ART5: variants seen among roughly 807,000 people sequenced by gnomAD.
ART5 encodes ADP-ribosyltransferase 5.
A neutral mutation model predicts 25.0 loss-of-function variants in ART5; 22 were observed. That is an observed-to-expected ratio of 0.88 (90% CI 0.63 to 1.26). The LOEUF (loss-of-function observed/expected upper bound fraction) is 1.26. Ranked by LOEUF, ART5 falls within the 50% of genes most tolerant of loss-of-function variation. ART5 has a pLI of 0.00. For synonymous variants in ART5, 161 were observed against 154.8 expected, an observed-to-expected ratio of 1.04 and a Z score of -0.30; for missense variants, 402 against 372.8, an observed-to-expected ratio of 1.08 and a Z score of -0.64.
At chr11:3,641,088 G>A (rs1438121852) in intron 1 of ART5, among the ~76,000 whole-genome samples, 1 of 152,172 alleles carries the variant, frequency 6.6e-6, no homozygotes, top group African/African-American at 2.4e-5. Flanking sequence ...CCTTGGGCAA[G>A]TGTCATAACT....
intron 3 of ART5, 69 bp from the exon 4 acceptor site, chr11:3,638,862 A>T: frequency 6.2e-7 from 1 of 1,613,796 alleles, no homozygotes; most frequent in South Asian, 1.1e-5. Flanking sequence ...GGCCAAGAGC[A>T]GAGTCTTCCA....
chr11:3,638,549 A>T lies in ART5; in HGVS notation c.*189T>A. On this transcript the variant is annotated 3_prime_UTR_variant, in exon 4 of 4. Coordinates refer to ENST00000397068, the MANE Select transcript of ART5 (RefSeq NM_053017.5). Reference sequence around the variant, plus strand: ...TACCATTTAATCACGTAGCTACCTCAATAAAACTCCATGTCTCCACATTGC... The same window carrying T: ...TACCATTTAATCACGTAGCTACCTCTATAAAACTCCATGTCTCCACATTGC... 3.0e-6 allele frequency: 2 copies of T among 666,098 alleles called. No individual in the cohort carries two copies. The highest frequency in any genetic ancestry group is 5.2e-6 in the Non-Finnish European group (2 of 381,976). The allele number at this position is 666,098 out of a possible 1,614,324, so 41.3% of individuals were successfully genotyped here.
rs147444671 is a variant in ART5 at position 3,640,014 on chromosome 11, G to A, written c.415C>T (p.Arg139Trp). 2.4e-4 allele frequency: 387 copies of A among 1,614,138 alleles called. 2 individuals carry two copies. Among genetic ancestry groups the A allele is most frequent in the African/African-American group, 1.7e-3 (125 of 75,066 alleles). Reference protein sequence around the residue: ...PFKALHFYLIRALQLLRGSGG... With the variant: ...PFKALHFYLIWALQLLRGSGG... ...CTGCCTCGCAGCAGCTGCAGGGCCCGGATCAGGTAGAAATGCAGGGCCTTG... is the reference window on the plus strand; with the variant it reads ...CTGCCTCGCAGCAGCTGCAGGGCCCAGATCAGGTAGAAATGCAGGGCCTTG... Residue 139 changes from arginine to tryptophan, a missense_variant, in exon 2 of 4, where the codon CGG becomes TGG. Physicochemically the swap from Arg to Trp is moderately radical, Grantham distance 101 (BLOSUM62 -3). Transcript: ENST00000397068.
In ART5 at chr11:3,641,903, G is replaced by A. The variant is rs755211688; in HGVS notation, c.-41C>T. 24 of 1,550,824 alleles carry A rather than the reference G, an allele frequency of 1.5e-5. No individual in the cohort carries two copies. The highest frequency in any genetic ancestry group is 2.0e-5 in the Non-Finnish European group (23 of 1,149,058). On this transcript the variant is annotated 5_prime_UTR_variant, in exon 1 of 4. Coordinates refer to ENST00000397068, the MANE Select transcript of ART5 (RefSeq NM_053017.5). ...GAGGGCCAGGGGTCCGGGTGAGGGC[G>A]GGACCAGAGGTGCTGGAGTCCTGGT... is the stretch of plus-strand genomic sequence containing the variant.
Position 3,640,090 on chromosome 11 carries a change from G to A in ART5, c.339C>T (p.Ala113=), listed in dbSNP as rs373165519. The A allele has an allele frequency of 2.8e-5, 46 of 1,614,080 alleles. No homozygotes were observed. The highest frequency in any genetic ancestry group is 1.6e-4 in the Middle Eastern group (1 of 6,084). The change falls in exon 2 of 4, where the codon GCC becomes GCT. Residue 113 remains alanine, a synonymous_variant. Transcript: ENST00000397068. ...CCCGGGAGCCTCCGCCCGTCCGCACGGCCTGATTCAACTCCCAGTACAAGG... is the reference window on the plus strand; with the variant it reads ...CCCGGGAGCCTCCGCCCGTCCGCACAGCCTGATTCAACTCCCAGTACAAGG... ...SNTLYWELNQ[A]VRTGGGSREL... is the part of the protein sequence containing the mutation.
At position 3,640,353 on chromosome 11, in the gene ART5, G is replaced by GGAT. The variant is rs2133929021; in HGVS notation, c.73_75dup (p.Ile25dup). ...GTGTCTGGAGCCAGGCCCAGGGGCA[G>GGAT]GATGGGAACAGCCTGGGCCTGTGGA... On this transcript the variant is annotated inframe_insertion, in exon 2 of 4. Transcript: ENST00000397068. 1.5e-6 allele frequency: 2 copies of GGAT among 1,345,468 alleles called. No homozygotes were observed. The highest frequency in any genetic ancestry group is 1.2e-5 in the South Asian group (1 of 80,004). The allele number at this position is 1,345,468 out of a possible 1,614,324, so 83.3% of individuals were successfully genotyped here. A position where few individuals can be genotyped will look rare whatever the true frequency, so the allele number is the denominator to read the frequency against.
In ART5 at chr11:3,641,787, A is replaced by T. The variant is rs1298505820; in HGVS notation, c.57+19T>A. 21 of 1,570,344 alleles carry T rather than the reference A, an allele frequency of 1.3e-5. No individual in the cohort carries two copies. The highest frequency in any genetic ancestry group is 1.7e-5 in the Non-Finnish European group (20 of 1,157,416). Reference sequence around the variant, plus strand: ...CCTTAATGTCCCCCTTGGGGCTAGGAGATGGTTCCTGGAGTTACCTGCCAG... The same window carrying T: ...CCTTAATGTCCCCCTTGGGGCTAGGTGATGGTTCCTGGAGTTACCTGCCAG... On this transcript the variant is annotated intron_variant, in intron 1 of 3. Transcript: ENST00000397068.
In ART5 at chr11:3,640,293, T is replaced by C. The variant is rs1397645452; in HGVS notation, c.136A>G (p.Met46Val). The C allele has an allele frequency of 3.7e-6, 6 of 1,613,160 alleles. No individual in the cohort carries two copies. In the East Asian group the frequency reaches 1.3e-4, roughly 36 times the overall value. ...DDTYVGCAEE[M>V]EEKAAPLLKE... ...AGCAGGGGGGCTGCCTTCTCCTCCA[T>C]CTCCTCTGCACAACCCACATAGGTA... The change falls in exon 2 of 4, where the codon ATG becomes GTG. Residue 46 changes from methionine (M) to valine (V), a missense_variant. Physicochemically the swap from Met to Val is conservative, Grantham distance 21. Coordinates refer to ENST00000397068, the MANE Select transcript of ART5 (RefSeq NM_053017.5).
chr11:3,641,738 G>A (rs1254952887), intron 1 of ART5, 68 bp downstream of exon 1: 17 of 1,546,058 alleles, frequency 1.1e-5, no homozygotes, highest in Non-Finnish European at 1.4e-5. Flanking sequence ...AGTCAGCCCC[G>A]GGTCCACTTC....
At chr11:3,642,075 C>T, upstream of ART5, 2 of 1,415,894 alleles carry the variant, frequency 1.4e-6, no homozygotes, top group South Asian at 3.1e-5. Flanking sequence ...CTCCCCACAC[C>T]CCTTCCTCAG....
chr11:3,641,393 C>G (rs2077394645), intron 1 of ART5, among the ~76,000 whole-genome samples: 1 of 152,224 alleles, frequency 6.6e-6, no homozygotes, highest in South Asian at 2.1e-4. Context: ...TGCTCAGCCA[C>G]CACACCAAAT....
In ART5 at chr11:3,640,013, C is replaced by A; in HGVS notation, c.416G>T (p.Arg139Leu). The change falls in exon 2 of 4, where the codon CGG becomes CTG. Residue 139 changes from arginine to leucine, a missense_variant. Physicochemically the swap from Arg to Leu is moderately radical, Grantham distance 102. Transcript: ENST00000397068. ...ACTGCCTCGCAGCAGCTGCAGGGCCCGGATCAGGTAGAAATGCAGGGCCTT... is the reference window on the plus strand; with the variant it reads ...ACTGCCTCGCAGCAGCTGCAGGGCCAGGATCAGGTAGAAATGCAGGGCCTT... ...PFKALHFYLI[R>L]ALQLLRGSGG... 1 of 1,614,140 alleles carries A rather than the reference C, an allele frequency of 6.2e-7. No homozygotes were observed. The highest frequency in any genetic ancestry group is 8.5e-7 in the Non-Finnish European group (1 of 1,180,028).
chr11:3,642,235 C>T (rs981379790), upstream of ART5: 28 of 1,136,598 alleles, frequency 2.5e-5, no homozygotes, highest in African/African-American at 6.5e-5. Flanking sequence ...GCGGGCGCTG[C>T]GCTGTCCCCG....
upstream of ART5, chr11:3,642,116 G>A (rs2077411543): frequency 7.4e-7 from 1 of 1,349,438 alleles, no homozygotes; most frequent in African/African-American, 1.5e-5. Context: ...TTCCGAGACT[G>A]TAAAGGCGGG....
chr11:3,640,704 G>A (rs977979936), intron 1 of ART5, among the ~76,000 whole-genome samples: 6 of 151,752 alleles, frequency 4.0e-5, no homozygotes, highest in African/African-American at 1.5e-4. Context: ...CAACTAACTG[G>A]GATTACCTGT....
chr11:3,642,181 A>T, upstream of ART5: 1 of 1,188,704 alleles, frequency 8.4e-7, no homozygotes, highest in Non-Finnish European at 1.0e-6. Context: ...GACCCACTTG[A>T]AGGCTGCGGA....
Position 3,640,204 on chromosome 11 carries a change from C to G in ART5, c.225G>C (p.Trp75Cys), listed in dbSNP as rs1272397370. The G allele has an allele frequency of 2.5e-6, 4 of 1,613,834 alleles. No homozygotes were observed. The highest frequency in any genetic ancestry group is 2.7e-5 in the African/African-American group (2 of 74,948). Reference sequence around the variant, plus strand: ...AGGTAAGCCCTCGACGCTTGTCCTCCCAGGTCTCCTGGGCTGCCTCCCAGG... The same window carrying G: ...AGGTAAGCCCTCGACGCTTGTCCTCGCAGGTCTCCTGGGCTGCCTCCCAGG... ...RESWEAAQET[W>C]EDKRRGLTLP... The change falls in exon 2 of 4, where the codon TGG becomes TGC. Residue 75 changes from tryptophan to cysteine, a missense_variant. By Grantham distance (215) the Trp-to-Cys change is radical. Transcript: ENST00000397068.
At chr11:3,639,574 A>G in intron 2 of ART5, 68 bp downstream of exon 2, 1 of 1,524,350 alleles carries the variant, frequency 6.6e-7, no homozygotes, top group South Asian at 1.3e-5. Context: ...CCCGGGGATT[A>G]TTGTGTAAGG....
chr11:3,639,988 A>G lies in ART5; in HGVS notation c.441T>C (p.Ser147=). 2.5e-6 allele frequency: 4 copies of G among 1,614,122 alleles called. No individual in the cohort carries two copies. Among genetic ancestry groups the G allele is most frequent in the Non-Finnish European group, 3.4e-6 (4 of 1,180,024 alleles). Reference sequence around the variant, plus strand: ...CCCCAGGTCCCCTGCTGCAGCCCCCACTGCCTCGCAGCAGCTGCAGGGCCC... The same window carrying G: ...CCCCAGGTCCCCTGCTGCAGCCCCCGCTGCCTCGCAGCAGCTGCAGGGCCC... ...LIRALQLLRG[S]GGCSRGPGEV... The change falls in exon 2 of 4, where the codon AGT becomes AGC. Residue 147 remains serine, a synonymous_variant. Coordinates refer to ENST00000397068, the MANE Select transcript of ART5 (RefSeq NM_053017.5).
Sources: gnomAD v4.1 joint callset for allele counts (sites outside exome capture counted in the v4.1 genomes callset) on GRCh38, gnomAD v4.1.1 for gene constraint, MANE v1.5 for transcripts, NCBI Gene and HGNC (gene_info 2026-07-23, HGNC 2026-07-21) for gene names.